The following GNG4 variants were observed in gnomAD, a reference collection of about 807,000 sequenced individuals.
The protein encoded by GNG4 is guanine nucleotide-binding protein G(I)/G(S)/G(O) subunit gamma-4.
GNG4 carries 4 observed loss-of-function variants against 5.8 expected under a neutral mutation model. The observed-to-expected ratio is 0.69, with a 90% CI of 0.34 to 1.57. The LOEUF is 1.57. Ranked by LOEUF, GNG4 falls within the 40% of genes most tolerant of loss-of-function variation. GNG4 has a pLI of 0.06. For synonymous variants in GNG4, 29 were observed against 32.9 expected (o/e 0.88, Z 0.41); for missense variants, 96 against 95.1 (o/e 1.01, Z -0.04).
chr1:235,557,541 G>A (rs1358746951), intron 3 of GNG4, among the ~76,000 whole-genome samples: 1 of 151,802 alleles, frequency 6.6e-6, no homozygotes, highest in East Asian at 1.9e-4. Flanking sequence ...ATCCCCTTCT[G>A]TCTACACATA....
At chr1:235,593,920 T>G (rs1160842912) in intron 2 of GNG4, among the ~76,000 whole-genome samples, 1 of 152,176 alleles carries the variant, frequency 6.6e-6, no homozygotes, top group Non-Finnish European at 1.5e-5. Context: ...ACAGCGTGCA[T>G]GGGGACCCAA....
chr1:235,620,930 C>T (rs1017080574), intron 1 of GNG4, among the ~76,000 whole-genome samples: 2 of 152,218 alleles, frequency 1.3e-5, no homozygotes, highest in Admixed American at 1.3e-4. Flanking sequence ...GCTTCAACCT[C>T]TTTCTGGATG....
chr1:235,593,496 C>T (rs1288758250), intron 2 of GNG4, among the ~76,000 whole-genome samples: 2 of 152,232 alleles, frequency 1.3e-5, no homozygotes, highest in Non-Finnish European at 2.9e-5. Flanking sequence ...AGCCGGCCTT[C>T]CGGACAATGC....
At chr1:235,599,320 GTT>G (rs10538491) in intron 1 of GNG4, among the ~76,000 whole-genome samples, 72,050 of 139,830 alleles carry the variant, frequency 0.52, 18,067 homozygotes, top group African/African-American at 0.61. Context: ...TTTTTGGTTT[GTT>G]TTTTTTTTTT....
intron 2 of GNG4, among the ~76,000 whole-genome samples, chr1:235,592,739 T>C (rs2102953040): frequency 6.6e-6 from 1 of 152,288 alleles, no homozygotes; most frequent in African/African-American, 2.4e-5. Context: ...GATTTTACAA[T>C]CTTACCTGTA....
chr1:235,578,368 G>A (rs1687536883), intron 3 of GNG4, among the ~76,000 whole-genome samples: 1 of 152,148 alleles, frequency 6.6e-6, no homozygotes, highest in African/African-American at 2.4e-5. Flanking sequence ...AACTGTGGAT[G>A]TTTTTCAAAA....
At chr1:235,596,913 T>C (rs1254405062) in intron 1 of GNG4, among the ~76,000 whole-genome samples, 1 of 151,968 alleles carries the variant, frequency 6.6e-6, no homozygotes, top group Non-Finnish European at 1.5e-5. Context: ...TTTTTTTATT[T>C]TGTAGAGACG....
At chr1:235,630,450 A>C (rs1688908853) in intron 1 of GNG4, among the ~76,000 whole-genome samples, 1 of 152,224 alleles carries the variant, frequency 6.6e-6, no homozygotes, top group Admixed American at 6.5e-5. Context: ...CTCATCACTT[A>C]TCAGATGCCG....
chr1:235,610,989 G>C (rs1320912182), intron 1 of GNG4, among the ~76,000 whole-genome samples: 3 of 152,188 alleles, frequency 2.0e-5, no homozygotes, highest in Non-Finnish European at 4.4e-5. Flanking sequence ...GCAGGAGGCT[G>C]AGGCAGGAGA....
chr1:235,607,174 T>C (rs1022955187), intron 1 of GNG4, among the ~76,000 whole-genome samples: 4 of 152,130 alleles, frequency 2.6e-5, no homozygotes, highest in Admixed American at 1.3e-4. Context: ...CTTGAACTCC[T>C]GACCTCAAAT....
intron 1 of GNG4, among the ~76,000 whole-genome samples, chr1:235,598,321 C>T (rs1220001061): frequency 2.0e-5 from 3 of 152,132 alleles, no homozygotes; most frequent in African/African-American, 4.8e-5. Flanking sequence ...TTAAGGATCC[C>T]GATTCCAGCT....
Position 235,570,939 on chromosome 1 carries a change from C to CAT in GNG4, c.99+12800_99+12801insAT, listed in dbSNP as rs1426655115. Among the ~76,000 whole-genome samples the CAT allele has an allele frequency of 5.2e-3, 734 of 140,794 alleles. 6 individuals are homozygous for CAT. The highest frequency in any genetic ancestry group is 0.019 in the African/African-American group (694 of 37,374). The allele number at this position is 140,794 out of a possible 152,430, so 92.4% of individuals were successfully genotyped here. On this transcript the variant is annotated intron_variant, in intron 3 of 3. Coordinates refer to ENST00000391854, the MANE Select transcript of GNG4 (RefSeq NM_001098722.2). Reference sequence around the variant, plus strand: ...ATATATATATACACACACACACACACACACACATATATATATACATACCTT... The same window carrying CAT: ...ATATATATATACACACACACACACACATACACACATATATATATACATACCTT...
chr1:235,611,172 T>C (rs1014807892), intron 1 of GNG4, among the ~76,000 whole-genome samples: 3 of 141,220 alleles, frequency 2.1e-5, no homozygotes, highest in African/African-American at 5.1e-5. Context: ...TCTCTCTCTC[T>C]TTTTTTTTTT....
In GNG4 at chr1:235,550,318, C is replaced by G. The variant is rs1022523829; in HGVS notation, c.*1791G>C. ...GTTACTGCAACAAAGGTGTTTGCTT[C>G]ACGGTGTGCAGTTATGATAGTTTGT... On this transcript the variant is annotated 3_prime_UTR_variant, in exon 4 of 4. Coordinates refer to ENST00000391854, the MANE Select transcript of GNG4 (RefSeq NM_001098722.2). 2 of 152,216 alleles carry G rather than the reference C, an allele frequency of 1.3e-5. No individual in the cohort carries two copies. The highest frequency in any genetic ancestry group is 4.8e-5 in the African/African-American group (2 of 41,452). 9.4% of individuals were successfully genotyped at this position (152,216 alleles called of 1,614,324 possible).
intron 2 of GNG4, among the ~76,000 whole-genome samples, chr1:235,587,702 G>A (rs1472361061): frequency 8.5e-6 from 1 of 117,272 alleles, no homozygotes; most frequent in Non-Finnish European, 1.9e-5. Flanking sequence ...TTGGGTGTCT[G>A]TGTGTGAGGG....
chr1:235,614,225 T>C (rs756214159), intron 1 of GNG4, among the ~76,000 whole-genome samples: 1 of 152,230 alleles, frequency 6.6e-6, no homozygotes, highest in African/African-American at 2.4e-5. Context: ...TAATATCCTT[T>C]TTATGTATGT....
chr1:235,584,605 C>T (rs1687716704), intron 2 of GNG4, among the ~76,000 whole-genome samples: 1 of 152,172 alleles, frequency 6.6e-6, no homozygotes, highest in Middle Eastern at 3.2e-3. Context: ...AAGAAATTCT[C>T]CCTAACCCTA....
chr1:235,616,727 T>A lies in GNG4; in HGVS notation c.-122-21216A>T, dbSNP rs1281287155. On this transcript the variant is annotated intron_variant, in intron 1 of 3. Transcript: ENST00000391854. The stretch of plus-strand genomic sequence containing the variant: ...TTCCCTTGGAACCAGTGCTGAAAGA[T>A]GTGTGTGTGTGTGTGTGCGCGCGTG... Among the ~76,000 whole-genome samples, 4 of 89,050 alleles carry A rather than the reference T, an allele frequency of 4.5e-5. No homozygotes were observed. In the African/African-American group the frequency reaches 5.6e-4, roughly 13 times the overall value. 58.4% of individuals were successfully genotyped at this position (89,050 alleles called of 152,430 possible).
chr1:235,628,905 C>T (rs1236916972), intron 1 of GNG4, among the ~76,000 whole-genome samples: 1 of 151,930 alleles, frequency 6.6e-6, no homozygotes, highest in Admixed American at 6.6e-5. Context: ...TGGTTCTGAG[C>T]AGGACCCAGG....
Sources: gnomAD v4.1 joint callset for allele counts (sites outside exome capture counted in the v4.1 genomes callset) on GRCh38, gnomAD v4.1.1 for gene constraint, MANE v1.5 for transcripts, NCBI Gene and HGNC (gene_info 2026-07-23, HGNC 2026-07-21) for gene names.